RBP2: variants seen among roughly 807,000 people sequenced by gnomAD.
RBP2 encodes retinol-binding protein 2.
A neutral mutation model predicts 17.0 loss-of-function variants in RBP2; 17 were observed. The ratio of observed to expected loss-of-function variants is 1.00; its 90% confidence interval spans 0.68 to 1.50. The LOEUF is 1.50. Ranked by LOEUF, RBP2 falls within the 40% of genes most tolerant of loss-of-function variation. The probability of loss-of-function intolerance (pLI) is 0.00; values close to 1 mark genes in which losing one functional copy is unlikely to be tolerated. For missense variants in RBP2, 158 were observed against 168.2 expected (o/e 0.94, Z 0.33); for synonymous variants, 48 against 57.1 (o/e 0.84, Z 0.72).
At chr3:139,462,433 C>T (rs1933220855) in intron 1 of RBP2, 143 bp from the exon 2 acceptor site, 5 of 879,942 alleles carry the variant, frequency 5.7e-6, no homozygotes, top group Admixed American at 4.7e-5. Context: ...AAGCATCTTA[C>T]TCGTGGCCAA....
chr3:139,469,727 AT>A (rs1933494996), intron 1 of RBP2, among the ~76,000 whole-genome samples: 1 of 150,258 alleles, frequency 6.7e-6, no homozygotes, highest in Non-Finnish European at 1.5e-5. Context: ...CTATCTATCT[AT>A]CTATCTACCT....
At chr3:139,464,849 GA>G (rs566605829) in intron 1 of RBP2, among the ~76,000 whole-genome samples, 13 of 151,944 alleles carry the variant, frequency 8.6e-5, no homozygotes. Context: ...CTGAAACAAT[GA>G]AAAAAATGCA....
chr3:139,455,225 A>G (rs1397892820), intron 2 of RBP2, among the ~76,000 whole-genome samples: 1 of 152,232 alleles, frequency 6.6e-6, no homozygotes, highest in African/African-American at 2.4e-5. Flanking sequence ...CAAAGATTTG[A>G]TTTCCTTATA....
At position 139,452,904 on chromosome 3, in the gene RBP2, G is replaced by C; in HGVS notation, c.*212C>G. The C allele has an allele frequency of 1.7e-6, 1 of 579,330 alleles. No individual in the cohort carries two copies. The highest frequency in any genetic ancestry group is 2.3e-5 in the South Asian group (1 of 43,834). The allele number at this position is 579,330 out of a possible 1,614,324, so 35.9% of individuals were successfully genotyped here. A position where few individuals can be genotyped will look rare whatever the true frequency, so the allele number is the denominator to read the frequency against. ...CCATATAAAGGGTTTCAAAATATGGGAGTAATTTTTGTTTTTCCATTTAAT... is the reference window on the plus strand; with the variant it reads ...CCATATAAAGGGTTTCAAAATATGGCAGTAATTTTTGTTTTTCCATTTAAT... On this transcript the variant is annotated 3_prime_UTR_variant, in exon 4 of 4. Coordinates refer to ENST00000232217, the MANE Select transcript of RBP2 (RefSeq NM_004164.3).
At chr3:139,467,023 A>G (rs1933390559) in intron 1 of RBP2, among the ~76,000 whole-genome samples, 1 of 151,988 alleles carries the variant, frequency 6.6e-6, no homozygotes, top group Admixed American at 6.6e-5. Context: ...TGCATTTTTC[A>G]TGGAGTTGGT....
chr3:139,474,406 G>T (rs1355717759), intron 1 of RBP2, among the ~76,000 whole-genome samples: 2 of 152,040 alleles, frequency 1.3e-5, no homozygotes, highest in Admixed American at 6.6e-5. Context: ...GGGCTTTAGG[G>T]GTCCACTCTG....
intron 2 of RBP2, among the ~76,000 whole-genome samples, chr3:139,459,625 A>G (rs1199663714): frequency 1.4e-5 from 2 of 146,930 alleles, no homozygotes; most frequent in Non-Finnish European, 3.0e-5. Context: ...CTCTGTCTCA[A>G]AAAAAAAAAA....
chr3:139,463,833 T>C (rs1933273452), intron 1 of RBP2, among the ~76,000 whole-genome samples: 1 of 152,148 alleles, frequency 6.6e-6, no homozygotes, highest in Non-Finnish European at 1.5e-5. Context: ...TTTTAGAAAA[T>C]CCACTGAGAA....
intron 3 of RBP2, 122 bp downstream of exon 3, chr3:139,454,607 C>G: frequency 1.2e-6 from 1 of 824,734 alleles, no homozygotes; most frequent in Middle Eastern, 2.3e-4. Context: ...TGACCACATG[C>G]ATTTGGCTGG....
At chr3:139,459,400 ATGTGTG>A (rs57107462) in intron 2 of RBP2, among the ~76,000 whole-genome samples, 16 of 128,550 alleles carry the variant, frequency 1.2e-4, no homozygotes, top group South Asian at 2.7e-4. Flanking sequence ...TACTATATAT[ATGTGTG>A]TGTGTGTGTG....
chr3:139,462,419 A>G, intron 1 of RBP2, 129 bp from the exon 2 acceptor site: 1 of 987,002 alleles, frequency 1.0e-6, no homozygotes, highest in South Asian at 1.6e-5. Context: ...CTTAAGTGGG[A>G]AACAAGCATC....
At chr3:139,453,337 G>A (rs1943344231) in intron 3 of RBP2, among the ~76,000 whole-genome samples, 171 bp from the exon 4 acceptor site, 1 of 152,242 alleles carries the variant, frequency 6.6e-6, no homozygotes, top group African/African-American at 2.4e-5. Context: ...GCAGGTAGCA[G>A]TAATTTGATT....
intron 3 of RBP2, among the ~76,000 whole-genome samples, chr3:139,453,748 A>T (rs1348551238): frequency 1.3e-5 from 2 of 152,212 alleles, no homozygotes; most frequent in African/African-American, 4.8e-5. Flanking sequence ...GGAGGGAAAA[A>T]CATGAGTGTG....
chr3:139,462,394 G>T, intron 1 of RBP2, 104 bp from the exon 2 acceptor site: 1 of 1,188,134 alleles, frequency 8.4e-7, no homozygotes, highest in South Asian at 1.4e-5. Context: ...ATTGTGTGTA[G>T]GCCACCTGTC....
At chr3:139,456,618 A>G (rs1025058663) in intron 2 of RBP2, among the ~76,000 whole-genome samples, 3 of 152,186 alleles carry the variant, frequency 2.0e-5, no homozygotes, top group Non-Finnish European at 4.4e-5. Flanking sequence ...ATGCATGCAT[A>G]TGTCTGTACA....
intron 2 of RBP2, among the ~76,000 whole-genome samples, chr3:139,455,343 G>T (rs559679205): frequency 6.6e-6 from 1 of 152,306 alleles, no homozygotes; most frequent in South Asian, 2.1e-4. Flanking sequence ...AGCCCTAGCA[G>T]ATGGCTTCTA....
intron 1 of RBP2, among the ~76,000 whole-genome samples, chr3:139,464,678 C>T (rs1933301673): frequency 6.6e-6 from 1 of 152,176 alleles, no homozygotes; most frequent in Admixed American, 6.5e-5. Context: ...AAAAAGATTA[C>T]ATACCTGTAT....
chr3:139,460,872 G>C (rs1019514116), intron 2 of RBP2, among the ~76,000 whole-genome samples: 1 of 152,192 alleles, frequency 6.6e-6, no homozygotes. Context: ...CAGAGGGAAA[G>C]GATGCTTTGA....
At chr3:139,467,059 A>G (rs150419605) in intron 1 of RBP2, among the ~76,000 whole-genome samples, 1 of 152,262 alleles carries the variant, frequency 6.6e-6, no homozygotes, top group East Asian at 1.9e-4. Flanking sequence ...TTTCACCTCT[A>G]TGAGGACAAG....
Sources: allele counts gnomAD v4.1 joint callset (sites outside exome capture counted in the v4.1 genomes callset), GRCh38; gene constraint gnomAD v4.1.1; transcripts MANE v1.5; gene names NCBI Gene and HGNC (gene_info 2026-07-23, HGNC 2026-07-21).